USP34: variants seen among roughly 807,000 people sequenced by gnomAD.
The protein encoded by USP34 is ubiquitin specific peptidase 34, also known as ubiquitin carboxyl-terminal hydrolase 34.
A neutral mutation model predicts 460.3 loss-of-function variants in USP34; 70 were observed. That is an observed-to-expected ratio of 0.15 (90% CI 0.13 to 0.19). USP34 has a LOEUF of 0.19. USP34 is among the 10% of genes least tolerant of loss of function. USP34 has a pLI of 1.00. For missense variants in USP34, 3,985 were observed against 4,236.2 expected (o/e 0.94, Z 1.65); for synonymous variants, 1,647 against 1,405.3 (o/e 1.17, Z -3.85).
intron 53 of USP34, among the ~76,000 whole-genome samples, chr2:61,240,060 T>G (rs963802736): frequency 6.6e-6 from 1 of 151,984 alleles, no homozygotes; most frequent in Non-Finnish European, 1.5e-5. Flanking sequence ...AAAAAAAATT[T>G]TTTTTTTATC....
At chr2:61,367,075 A>C (rs1692463369) in intron 10 of USP34, among the ~76,000 whole-genome samples, 1 of 152,170 alleles carries the variant, frequency 6.6e-6, no homozygotes, top group Admixed American at 6.5e-5. Flanking sequence ...AACATAAAAA[A>C]TCCAGTACAG....
At chr2:61,319,070 T>C in intron 22 of USP34, 103 bp downstream of exon 22, 1 of 1,205,266 alleles carries the variant, frequency 8.3e-7, no homozygotes, top group Non-Finnish European at 1.1e-6. Flanking sequence ...TTTGGCTACT[T>C]AAAAAAACTG....
At chr2:61,240,028 A>C (rs1239963719) in intron 53 of USP34, among the ~76,000 whole-genome samples, 2 of 147,250 alleles carry the variant, frequency 1.4e-5, no homozygotes, top group South Asian at 2.1e-4. Context: ...AAAAAAAAAA[A>C]GACTTGATCC....
intron 41 of USP34, among the ~76,000 whole-genome samples, chr2:61,270,232 C>T (rs976091658): frequency 6.6e-6 from 1 of 152,124 alleles, no homozygotes; most frequent in Admixed American, 6.6e-5. Flanking sequence ...AGTAGAGAGA[C>T]CTCCTACCCC....
At chr2:61,314,402 A>T (rs1193991638) in intron 25 of USP34, among the ~76,000 whole-genome samples, 183 bp downstream of exon 25, 1 of 152,156 alleles carries the variant, frequency 6.6e-6, no homozygotes. Flanking sequence ...CGTATTGCCT[A>T]TTCCAAGGCA....
chr2:61,395,056 T>C (rs1372094313), intron 4 of USP34, 54 bp from the exon 5 acceptor site: 5 of 1,526,644 alleles, frequency 3.3e-6, no homozygotes, highest in East Asian at 2.3e-5. Context: ...ATAATTTTTA[T>C]CTTAGCAATA....
intron 41 of USP34, among the ~76,000 whole-genome samples, chr2:61,272,651 C>T (rs192387761): frequency 6.6e-6 from 1 of 152,172 alleles, no homozygotes; most frequent in East Asian, 1.9e-4. Context: ...ACGAGTAAAC[C>T]CTCTGAAATG....
intron 10 of USP34, 67 bp from the exon 11 acceptor site, chr2:61,350,760 A>G: frequency 2.6e-6 from 4 of 1,511,590 alleles, no homozygotes; most frequent in Non-Finnish European, 2.6e-6. Context: ...ACCTGATATA[A>G]AAACAGTTTG....
At chr2:61,380,069 C>T in intron 7 of USP34, 100 bp downstream of exon 7, 1 of 975,008 alleles carries the variant, frequency 1.0e-6, no homozygotes, top group Non-Finnish European at 1.5e-6. Flanking sequence ...AAATACTTAG[C>T]ACAATGCCTA....
In USP34 at chr2:61,301,040, C is replaced by G; in HGVS notation, c.4039G>C (p.Glu1347Gln). ...TCAAAAAGAGTAGTTAAATGAGGCT[C>G]TTGTAAAAGCAAAAGCATTGGAATG... is the stretch of plus-strand genomic sequence containing the variant. ...DNIPMLLLLQEPHLTTLFDLL... is the reference protein window; with the variant it reads ...DNIPMLLLLQQPHLTTLFDLL... The change falls in exon 29 of 80, where the codon GAG becomes CAG. Residue 1347 changes from glutamate (E) to glutamine (Q), a missense_variant. Around this residue, in one of 14 missense-constraint regions of USP34, gnomAD observed 1,114 missense variants for 1,122.5 expected, o/e 0.99. Coordinates refer to ENST00000398571, the MANE Select transcript of USP34 (RefSeq NM_014709.4). The G allele has an allele frequency of 6.2e-7, 1 of 1,613,896 alleles. No homozygotes were observed. The highest frequency in any genetic ancestry group is 8.5e-7 in the Non-Finnish European group (1 of 1,179,942).
intron 34 of USP34, among the ~76,000 whole-genome samples, chr2:61,286,955 A>G (rs1689707757): frequency 6.6e-6 from 1 of 152,230 alleles, no homozygotes. Flanking sequence ...GGAAAGGATC[A>G]CAATTAGAGC....
rs1466692411 is a variant in USP34 at position 61,406,090 on chromosome 2, T to G, written c.170A>C (p.Glu57Ala). The G allele has an allele frequency of 7.4e-6, 12 of 1,612,420 alleles. No homozygotes were observed. The highest frequency in any genetic ancestry group is 1.3e-5 in the African/African-American group (1 of 74,826). Residue 57 changes from glutamate (E) to alanine (A), a missense_variant, in exon 3 of 80, where the codon GAG (glutamate) becomes GCG (alanine). Physicochemically the swap from Glu to Ala is moderately radical, Grantham distance 107. Coordinates refer to ENST00000398571, the MANE Select transcript of USP34 (RefSeq NM_014709.4). ...LCCFKEYKHL[E>A]IFNQVVCALI... ...TGCACACACTACTTGATTAAAAATC[T>G]CCAAATGCTTATATTCCTTGAAGCA...
At chr2:61,391,853 AT>A (rs1259256915) in intron 5 of USP34, among the ~76,000 whole-genome samples, 2 of 152,170 alleles carry the variant, frequency 1.3e-5, no homozygotes, top group African/African-American at 2.4e-5. Context: ...AATCTACAAT[AT>A]TTTTTATAAG....
At chr2:61,400,718 G>C (rs1693691268) in intron 3 of USP34, among the ~76,000 whole-genome samples, 1 of 152,020 alleles carries the variant, frequency 6.6e-6, no homozygotes, top group Admixed American at 6.6e-5. Context: ...AGGCATGGTG[G>C]CATGCACCTG....
chr2:61,232,695 AT>A (rs1274037848), intron 57 of USP34, among the ~76,000 whole-genome samples, 163 bp from the exon 58 acceptor site: 3 of 152,174 alleles, frequency 2.0e-5, no homozygotes, highest in Non-Finnish European at 2.9e-5. Context: ...TAAAATCATA[AT>A]AAGGGTTACC....
intron 47 of USP34, among the ~76,000 whole-genome samples, 180 bp from the exon 48 acceptor site, chr2:61,256,658 G>A (rs993788636): frequency 2.6e-5 from 4 of 151,880 alleles, no homozygotes; most frequent in Non-Finnish European, 4.4e-5. Context: ...ATGAATCTTA[G>A]TAACTTTTTT....
Position 61,288,853 on chromosome 2 carries a change from A to G in USP34, c.4573T>C (p.Leu1525=). The G allele has an allele frequency of 6.2e-7, 1 of 1,613,260 alleles. No homozygotes were observed. The highest frequency in any genetic ancestry group is 8.5e-7 in the Non-Finnish European group (1 of 1,179,918). ...TVWQLDCLAC[L]LKLICQFAVD... Reference sequence around the variant, plus strand: ...GCAAACTGGCATATTAACTTCAGCAAGCAAGCAAGACAGTCTAGCTGCCAC... The same window carrying G: ...GCAAACTGGCATATTAACTTCAGCAGGCAAGCAAGACAGTCTAGCTGCCAC... Residue 1525 remains leucine (L), a synonymous_variant, in exon 34 of 80, where the codon TTG becomes CTG. Coordinates refer to ENST00000398571, the MANE Select transcript of USP34 (RefSeq NM_014709.4).
chr2:61,421,194 G>A (rs1361605789), intron 1 of USP34, among the ~76,000 whole-genome samples: 1 of 152,210 alleles, frequency 6.6e-6, no homozygotes, highest in Non-Finnish European at 1.5e-5. Context: ...ACTAGAAGAA[G>A]AAGGCAGGAG....
intron 57 of USP34, 104 bp from the exon 58 acceptor site, chr2:61,232,636 TTAAGTTCTTACCAGAAAAGTTTCTC>T: frequency 2.1e-6 from 2 of 953,420 alleles, no homozygotes; most frequent in Non-Finnish European, 3.2e-6. Context: ...TTTAATTCTT[TTAAGTTCTTACCAGAAAAGTTTCTC>T]TAATTGTCAT....
Sources: allele counts gnomAD v4.1 joint callset (sites outside exome capture counted in the v4.1 genomes callset), GRCh38; gene constraint gnomAD v4.1.1; regional missense constraint gnomAD v4.1.1; transcripts MANE v1.5; gene names NCBI Gene and HGNC (gene_info 2026-07-23, HGNC 2026-07-21).